HNRNPUL1: variants seen among roughly 807,000 people sequenced by gnomAD.
HNRNPUL1 encodes heterogeneous nuclear ribonucleoprotein U-like protein 1.
Under a neutral mutation model 108.5 loss-of-function variants are expected in HNRNPUL1, and 14 were observed. That is an observed-to-expected ratio of 0.13 (90% confidence interval 0.09 to 0.20). The LOEUF (loss-of-function observed/expected upper bound fraction) is 0.20. Ranked by LOEUF, HNRNPUL1 falls within the 10% of genes least tolerant of loss-of-function variation. The probability of loss-of-function intolerance (pLI) is 1.00; values close to 1 mark genes in which losing one functional copy is unlikely to be tolerated. For missense variants in HNRNPUL1, 804 were observed against 1,168.3 expected (o/e 0.69, Z 4.55); for synonymous variants, 422 against 445.2 (o/e 0.95, Z 0.66).
intron 8 of HNRNPUL1, among the ~76,000 whole-genome samples, chr19:41,293,081 C>G (rs2122827922): frequency 6.6e-6 from 1 of 152,268 alleles, no homozygotes; most frequent in African/African-American, 2.4e-5. Flanking sequence ...ACCTCTCACC[C>G]AGAGCTATCA....
intron 2 of HNRNPUL1, among the ~76,000 whole-genome samples, chr19:41,271,174 A>C (rs2122493966): frequency 6.6e-6 from 1 of 152,278 alleles, no homozygotes; most frequent in Admixed American, 6.5e-5. Context: ...TTCATCCACA[A>C]AGTTAAATCC....
In HNRNPUL1 at chr19:41,264,457, C is replaced by A. The variant is rs775525038; in HGVS notation, c.-47C>A. On this transcript the variant is annotated 5_prime_UTR_variant, in exon 1 of 15. Transcript: ENST00000392006. Reference sequence around the variant, plus strand: ...AGGAAAGGTTTAAGGGGGACAGAGCCCTGGGAGGCCGGGCCGGGCTCGGGG... The same window carrying A: ...AGGAAAGGTTTAAGGGGGACAGAGCACTGGGAGGCCGGGCCGGGCTCGGGG... 3.8e-5 allele frequency: 51 copies of A among 1,338,200 alleles called. No individual in the cohort carries two copies. The highest frequency in any genetic ancestry group is 4.9e-5 in the Non-Finnish European group (51 of 1,042,684). The allele number at this position is 1,338,200 out of a possible 1,614,324, so 82.9% of individuals were successfully genotyped here.
chr19:41,264,374 T>G lies in HNRNPUL1; in HGVS notation c.-130T>G. ...GGGGGGAGGCGGTGGCGGCGGCCATTTTGAGCCGCTGCCGCCATTGGAGTG... is the reference window on the plus strand; with the variant it reads ...GGGGGGAGGCGGTGGCGGCGGCCATGTTGAGCCGCTGCCGCCATTGGAGTG... On this transcript the variant is annotated 5_prime_UTR_variant, in exon 1 of 15. In the 5' UTR this introduces an upstream ATG that the reference lacks. Coordinates refer to ENST00000392006, the MANE Select transcript of HNRNPUL1 (RefSeq NM_007040.6). 2 of 767,000 alleles carry G rather than the reference T, an allele frequency of 2.6e-6. No individual in the cohort carries two copies. The highest frequency in any genetic ancestry group is 3.6e-6 in the Non-Finnish European group (2 of 553,120). The allele number at this position is 767,000 out of a possible 1,614,324, so 47.5% of individuals were successfully genotyped here.
At chr19:41,301,009 ACTT>A (rs766924826) in intron 10 of HNRNPUL1, among the ~76,000 whole-genome samples, 40 of 152,328 alleles carry the variant, frequency 2.6e-4, no homozygotes, top group Non-Finnish European at 4.7e-4. Context: ...GCACAGAAAA[ACTT>A]CAGAGAAAGT....
chr19:41,267,022 G>A (rs1002691475), intron 1 of HNRNPUL1, among the ~76,000 whole-genome samples: 3 of 152,192 alleles, frequency 2.0e-5, no homozygotes, highest in Non-Finnish European at 4.4e-5. Context: ...AGAGGAAAGC[G>A]AATTAGGTGC....
rs2123038556 is a variant in HNRNPUL1, at chr19:41,307,277, C to A, written c.*712C>A. ...CTTTAACCCAACTTTTTATACGATGCCCCAGTTCCCCATAACTTTGCACAC... is the reference window on the plus strand; with the variant it reads ...CTTTAACCCAACTTTTTATACGATGACCCAGTTCCCCATAACTTTGCACAC... On this transcript the variant is annotated 3_prime_UTR_variant, in exon 15 of 15. Transcript: ENST00000392006. The A allele has an allele frequency of 6.5e-6, 1 of 152,694 alleles. No homozygotes were observed. The highest frequency in any genetic ancestry group is 3.4e-3 in the Middle Eastern group (1 of 292). 9.5% of individuals were successfully genotyped at this position (152,694 alleles called of 1,614,324 possible).
In HNRNPUL1 at chr19:41,264,761, C is replaced by G. The variant is rs1250023679; in HGVS notation, c.258C>G (p.His86Gln). Residue 86 changes from histidine to glutamine, a missense_variant, in exon 1 of 15, where the codon CAC becomes CAG. Coordinates refer to ENST00000392006, the MANE Select transcript of HNRNPUL1 (RefSeq NM_007040.6). ...CACCGCCGCCCGGGCTGCAGCCGCACGCGGAGCCCGGCGGCTACTCGGGGC... is the reference window on the plus strand; with the variant it reads ...CACCGCCGCCCGGGCTGCAGCCGCAGGCGGAGCCCGGCGGCTACTCGGGGC... ...AQPPPPGLQP[H>Q]AEPGGYSGPD... The G allele has an allele frequency of 1.5e-6, 2 of 1,379,062 alleles. No homozygotes were observed. Among genetic ancestry groups the G allele is most frequent in the East Asian group, 5.8e-5 (2 of 34,496 alleles). 85.4% of individuals were successfully genotyped at this position (1,379,062 alleles called of 1,614,324 possible).
intron 6 of HNRNPUL1, among the ~76,000 whole-genome samples, chr19:41,279,688 C>T (rs1352334454): frequency 6.6e-6 from 1 of 152,194 alleles, no homozygotes. Flanking sequence ...ACTGATTATT[C>T]TGACCAATGC....
chr19:41,294,900 A>G lies in HNRNPUL1; in HGVS notation c.1518+214A>G, dbSNP rs1217460868. ...GATCTAGGCCTACTTACTCAGACTC[A>G]TCAGCAGCCCCAAAGAACATCAGGT... On this transcript the variant is annotated intron_variant, in intron 10 of 14. Coordinates refer to ENST00000392006, the MANE Select transcript of HNRNPUL1 (RefSeq NM_007040.6). The surrounding 1 kb of genome is among the most constrained non-coding windows in gnomAD (Gnocchi z 4.3). Among the ~76,000 whole-genome samples, 1 of 152,210 alleles carries G rather than the reference A, an allele frequency of 6.6e-6. No homozygotes were observed. Among genetic ancestry groups the G allele is most frequent in the Non-Finnish European group, 1.5e-5 (1 of 68,034 alleles).
intron 7 of HNRNPUL1, among the ~76,000 whole-genome samples, chr19:41,284,445 C>A (rs147813514): frequency 4.6e-5 from 7 of 152,136 alleles, no homozygotes; most frequent in Non-Finnish European, 1.0e-4. Context: ...GTGGGCAGAT[C>A]GCTTGAGCCC....
At chr19:41,270,205 A>G (rs1367867272) in intron 2 of HNRNPUL1, among the ~76,000 whole-genome samples, 2 of 150,904 alleles carry the variant, frequency 1.3e-5, no homozygotes, top group African/African-American at 2.4e-5. Flanking sequence ...CTGGTCTCAA[A>G]CTCTTGACCT....
chr19:41,303,847 G>C, intron 12 of HNRNPUL1, 125 bp from the exon 13 acceptor site: 1 of 1,177,334 alleles, frequency 8.5e-7, no homozygotes, highest in Non-Finnish European at 1.2e-6. Context: ...ATGCTTTGTT[G>C]TTCACCTTGA....
intron 3 of HNRNPUL1, among the ~76,000 whole-genome samples, chr19:41,272,872 C>T (rs1359020515): frequency 6.6e-6 from 1 of 152,156 alleles, no homozygotes; most frequent in African/African-American, 2.4e-5. Context: ...CAAGTCCTTC[C>T]CTTCCCTCCT....
intron 7 of HNRNPUL1, among the ~76,000 whole-genome samples, chr19:41,285,360 A>ATT (rs775101976): frequency 2.0e-5 from 3 of 152,112 alleles, no homozygotes; most frequent in Non-Finnish European, 4.4e-5. Context: ...AGTACCTGGG[A>ATT]TTACATACTT....
At chr19:41,289,713 C>CTTTTT (rs71177710) in intron 7 of HNRNPUL1, among the ~76,000 whole-genome samples, 7 of 119,902 alleles carry the variant, frequency 5.8e-5, no homozygotes, top group East Asian at 2.4e-4. Context: ...TCTCCATGGT[C>CTTTTT]TTTTTTTTTT....
chr19:41,275,684 C>CA (rs2035507888), intron 4 of HNRNPUL1, among the ~76,000 whole-genome samples: 1 of 152,194 alleles, frequency 6.6e-6, no homozygotes, highest in South Asian at 2.1e-4. Flanking sequence ...CCTCCCTACT[C>CA]AAAGGGAGAG....
At chr19:41,290,914 C>T (rs542942182) in intron 7 of HNRNPUL1, among the ~76,000 whole-genome samples, 8 of 152,194 alleles carry the variant, frequency 5.3e-5, no homozygotes, top group Middle Eastern at 3.4e-3. Flanking sequence ...ATTAGCCGGG[C>T]GTGGTGGCAC....
intron 4 of HNRNPUL1, 96 bp from the exon 5 acceptor site, chr19:41,276,063 A>G (rs2035536094): frequency 1.3e-6 from 2 of 1,524,270 alleles, no homozygotes; most frequent in Admixed American, 1.7e-5. Flanking sequence ...AGATCGCACC[A>G]TTGCACTCCA....
At chr19:41,265,064 T>C (rs1043632856) in intron 1 of HNRNPUL1, 224 of 1,413,436 alleles carry the variant, frequency 1.6e-4, no homozygotes, top group Non-Finnish European at 1.9e-4. Context: ...TTCCGTACCG[T>C]AGGGATCGGA....
Sources: gnomAD v4.1 joint callset for allele counts (sites outside exome capture counted in the v4.1 genomes callset) on GRCh38, gnomAD v4.1.1 for gene constraint, Gnocchi (gnomAD v3.1) non-coding constraint, MANE v1.5 for transcripts, NCBI Gene and HGNC (gene_info 2026-07-23, HGNC 2026-07-21) for gene names.